The following PIK3R3 variants were observed in gnomAD, a reference collection of about 807,000 sequenced individuals.
PIK3R3 encodes phosphoinositide-3-kinase regulatory subunit 3, also known as phosphatidylinositol 3-kinase regulatory subunit gamma.
Under a neutral mutation model 62.9 loss-of-function variants are expected in PIK3R3, and 64 were observed. The ratio of observed to expected loss-of-function variants is 1.02; its 90% CI spans 0.83 to 1.25. PIK3R3 has a LOEUF of 1.25. Among genes scored for constraint, PIK3R3 ranks in the 50% most tolerant of loss-of-function variants. The pLI is 0.00. For synonymous variants in PIK3R3, 165 were observed against 189.0 expected, an observed-to-expected ratio of 0.87 and a Z score of 1.04; for missense variants, 614 against 561.6, an observed-to-expected ratio of 1.09 and a Z score of -0.94.
chr1:46,051,922 G>A (rs1647387721), intron 7 of PIK3R3, among the ~76,000 whole-genome samples: 2 of 152,086 alleles, frequency 1.3e-5, no homozygotes, highest in African/African-American at 4.8e-5. Context: ...CGGATCACAA[G>A]GTCAGGAGAT....
At chr1:46,123,682 T>C (rs1654860178) in intron 1 of PIK3R3, among the ~76,000 whole-genome samples, 1 of 152,230 alleles carries the variant, frequency 6.6e-6, no homozygotes, top group African/African-American at 2.4e-5. Flanking sequence ...GTTAGGCAGA[T>C]GGACCTGCTC....
intron 3 of PIK3R3, among the ~76,000 whole-genome samples, chr1:46,071,362 T>C (rs1374530919): frequency 6.6e-6 from 1 of 152,062 alleles, no homozygotes; most frequent in African/African-American, 2.4e-5. Context: ...TTTCTAGCTA[T>C]ATCCTAGATA....
chr1:46,156,008 G>A, the PIK3R3 span, among the ~76,000 whole-genome samples: 1 of 152,108 alleles, frequency 6.6e-6, no homozygotes, highest in Non-Finnish European at 1.5e-5. Flanking sequence ...GTAAAAGTTT[G>A]TCGACCCCTG....
At chr1:46,100,772 A>C (rs552045828) in intron 1 of PIK3R3, among the ~76,000 whole-genome samples, 40 of 152,290 alleles carry the variant, frequency 2.6e-4, no homozygotes, top group Non-Finnish European at 4.4e-4. Context: ...CATGTCTTTT[A>C]ATGGAAATTG....
intron 2 of PIK3R3, among the ~76,000 whole-genome samples, chr1:46,079,044 T>C (rs1473541944): frequency 1.3e-5 from 2 of 152,090 alleles, no homozygotes; most frequent in East Asian, 1.9e-4. Context: ...TGGAGATGGA[T>C]GGTGATGATA....
chr1:46,085,197 AAC>A (rs1650949008), intron 1 of PIK3R3, among the ~76,000 whole-genome samples: 1 of 152,220 alleles, frequency 6.6e-6, no homozygotes, highest in Non-Finnish European at 1.5e-5. Context: ...TTGCTAAAAG[AAC>A]ACAATCATAA....
rs1647032954 is a variant in PIK3R3, at chr1:46,043,536, C to CGGA, written c.*136_*137insTCC. ...GCCCCCATCCCGGCCGGCTGCTGCT[C>CGGA]GGCCTCTCCACTTCACATTCACAAA... On this transcript the variant is annotated 3_prime_UTR_variant, in exon 10 of 10. Coordinates refer to ENST00000262741, the MANE Select transcript of PIK3R3 (RefSeq NM_003629.4). 3 of 755,744 alleles carry CGGA rather than the reference C, an allele frequency of 4.0e-6. No individual in the cohort carries two copies. Among genetic ancestry groups the CGGA allele is most frequent in the Non-Finnish European group, 4.3e-6 (2 of 462,876 alleles). The allele number at this position is 755,744 out of a possible 1,614,324, so 46.8% of individuals were successfully genotyped here. A position where few individuals can be genotyped will look rare whatever the true frequency, so the allele number is the denominator to read the frequency against.
chr1:46,041,865 C>T lies in PIK3R3; in HGVS notation c.*1808G>A, dbSNP rs1440582274. 3 of 213,800 alleles carry T rather than the reference C, an allele frequency of 1.4e-5. No individual in the cohort carries two copies. The highest frequency in any genetic ancestry group is 6.8e-5 in the African/African-American group (3 of 44,244). 13.2% of individuals were successfully genotyped at this position (213,800 alleles called of 1,614,324 possible). On this transcript the variant is annotated 3_prime_UTR_variant, in exon 10 of 10. Transcript: ENST00000262741. Reference sequence around the variant, plus strand: ...AGCACTTCCCTTTCTATCCTCGTCACTAGTAACTGGAGGTTTTTCCAAAAT... The same window carrying T: ...AGCACTTCCCTTTCTATCCTCGTCATTAGTAACTGGAGGTTTTTCCAAAAT...
In PIK3R3 at chr1:46,042,897, C is replaced by T. The variant is rs1557543236; in HGVS notation, c.*776G>A. 4 of 201,996 alleles carry T rather than the reference C, an allele frequency of 2.0e-5. No individual in the cohort carries two copies. The highest frequency in any genetic ancestry group is 6.0e-5 in the Admixed American group (1 of 16,664). The allele number at this position is 201,996 out of a possible 1,614,324, so 12.5% of individuals were successfully genotyped here. On this transcript the variant is annotated 3_prime_UTR_variant, in exon 10 of 10. Coordinates refer to ENST00000262741, the MANE Select transcript of PIK3R3 (RefSeq NM_003629.4). The surrounding 1 kb of genome is among the most constrained non-coding windows in gnomAD (Gnocchi z 4.3). ...GGTTAGTTACAGTGATCAATTTTAGCGTTTGCTAAAACTCACAAATTCTAG... is the reference window on the plus strand; with the variant it reads ...GGTTAGTTACAGTGATCAATTTTAGTGTTTGCTAAAACTCACAAATTCTAG...
intron 1 of PIK3R3, among the ~76,000 whole-genome samples, chr1:46,081,639 AG>A (rs1650604088): frequency 6.6e-6 from 1 of 152,162 alleles, no homozygotes; most frequent in Non-Finnish European, 1.5e-5. Context: ...GGTGCCAGAA[AG>A]GTTGGGGACT....
chr1:46,044,970 C>T lies in PIK3R3; in HGVS notation c.1187+948G>A, dbSNP rs1707317. Among the ~76,000 whole-genome samples, 108,882 of 152,158 alleles carry T rather than the reference C, an allele frequency of 0.72. 39,085 individuals carry two copies. The highest frequency in any genetic ancestry group is 0.75 in the African/African-American group (31,188 of 41,516). ...AGTCTGTTAATATGAATGCCTTTCG[C>T]CTACCTTCTCCACCTTGCCCTCTAA... On this transcript the variant is annotated intron_variant, in intron 9 of 9. Coordinates refer to ENST00000262741, the MANE Select transcript of PIK3R3 (RefSeq NM_003629.4). The surrounding 1 kb of genome is among the most constrained non-coding windows in gnomAD (Gnocchi z 4.2).
chr1:46,079,064 C>A (rs1292347347), intron 2 of PIK3R3, among the ~76,000 whole-genome samples: 2 of 151,338 alleles, frequency 1.3e-5, no homozygotes, highest in Non-Finnish European at 2.9e-5. Context: ...AGCTGCACAA[C>A]AATGCAAATG....
At chr1:46,156,276 A>G in the PIK3R3 span, among the ~76,000 whole-genome samples, 1 of 151,996 alleles carries the variant, frequency 6.6e-6, no homozygotes, top group African/African-American at 2.4e-5. Context: ...CCTGGCCAAC[A>G]TGGTGAAACC....
chr1:46,173,311 A>C, the PIK3R3 span, among the ~76,000 whole-genome samples: 1 of 152,278 alleles, frequency 6.6e-6, no homozygotes, highest in Non-Finnish European at 1.5e-5. Context: ...TTTAATGAAG[A>C]GCTTGTGTAA....
At chr1:46,116,773 A>G (rs1654226685) in intron 1 of PIK3R3, among the ~76,000 whole-genome samples, 2 of 152,154 alleles carry the variant, frequency 1.3e-5, no homozygotes, top group Non-Finnish European at 2.9e-5. Context: ...TAATTCTCAC[A>G]ATAACCCTAC....
intron 6 of PIK3R3, among the ~76,000 whole-genome samples, chr1:46,060,513 A>G (rs72677528): frequency 0.041 from 6,300 of 152,312 alleles, 209 homozygotes; most frequent in Non-Finnish European, 0.055. Flanking sequence ...AATAATTATC[A>G]TTTACTGAAA....
chr1:46,067,277 T>TATATATATATATATATAA (rs368368491), intron 3 of PIK3R3, among the ~76,000 whole-genome samples, 186 bp from the exon 4 acceptor site: 4 of 147,340 alleles, frequency 2.7e-5, no homozygotes, highest in South Asian at 4.2e-4. Context: ...TATATATATA[T>TATATATATATATATATAA]AATTCATTTT....
intron 1 of PIK3R3, among the ~76,000 whole-genome samples, chr1:46,120,669 T>C (rs1437274234): frequency 6.6e-6 from 1 of 152,206 alleles, no homozygotes; most frequent in Non-Finnish European, 1.5e-5. Flanking sequence ...ACAAAGACAA[T>C]AACACTGAAG....
chr1:46,161,141 T>G, the PIK3R3 span, among the ~76,000 whole-genome samples: 2 of 151,992 alleles, frequency 1.3e-5, no homozygotes, highest in African/African-American at 4.8e-5. Context: ...ACTCTGTCAC[T>G]CAGAGTACAG....
Sources: allele counts gnomAD v4.1 joint callset (sites outside exome capture counted in the v4.1 genomes callset), GRCh38; gene constraint gnomAD v4.1.1; non-coding constraint Gnocchi (gnomAD v3.1); transcripts MANE v1.5; gene names NCBI Gene and HGNC (gene_info 2026-07-23, HGNC 2026-07-21).